Variants in HIVEP3 observed in about 807,000 individuals in gnomAD.
The protein encoded by HIVEP3 is HIVEP zinc finger 3.
Under a neutral mutation model 152.8 loss-of-function variants are expected in HIVEP3, and 49 were observed. That is an observed-to-expected ratio of 0.32 (90% CI 0.26 to 0.41). The LOEUF is 0.41. Among genes scored for constraint, HIVEP3 ranks in the 10% least tolerant of loss-of-function variants. The pLI, the probability that HIVEP3 is intolerant of heterozygous loss-of-function variation, is 1.00. For synonymous variants in HIVEP3, 1,269 were observed against 1,289.0 expected (o/e 0.98, Z 0.33); for missense variants, 2,790 against 3,103.3 (o/e 0.90, Z 2.40).
At chr1:41,732,422 G>C (rs929192153) in intron 1 of HIVEP3, among the ~76,000 whole-genome samples, 1 of 152,172 alleles carries the variant, frequency 6.6e-6, no homozygotes, top group Non-Finnish European at 1.5e-5. Context: ...GTCTTAACAA[G>C]GCCCAAGGAG....
intron 1 of HIVEP3, among the ~76,000 whole-genome samples, chr1:41,780,677 C>A (rs1266589164): frequency 6.6e-6 from 1 of 152,146 alleles, no homozygotes; most frequent in African/African-American, 2.4e-5. Flanking sequence ...ACTGGAGGTG[C>A]CAGCTGACCC....
In HIVEP3 at chr1:41,583,143, G is replaced by C. The variant is rs774178064; in HGVS notation, c.1655C>G (p.Thr552Ser). 5 of 1,613,162 alleles carry C rather than the reference G, an allele frequency of 3.1e-6. No individual in the cohort carries two copies. The highest frequency in any genetic ancestry group is 2.5e-6 in the Non-Finnish European group (3 of 1,179,944). The change falls in exon 4 of 9, where the codon ACC (threonine) becomes AGC (serine). Residue 552 changes from threonine to serine, a missense_variant. Transcript: ENST00000372583. The surrounding 1 kb of genome is among the most constrained non-coding windows in gnomAD (Gnocchi z 6.9). ...GCTACCTCGGAAGGGGTGGTGGGGG[G>C]TGCTGATAGTGCAGGCGGCAGAAGG... ...SMPSAACTIS[T>S]PHHPFRGSYS...
intron 1 of HIVEP3, among the ~76,000 whole-genome samples, chr1:41,885,396 T>C (rs1644329063): frequency 6.6e-6 from 1 of 150,414 alleles, no homozygotes; most frequent in Non-Finnish European, 1.5e-5. Context: ...CCAGTCACAG[T>C]GGTTCATGCC....
At chr1:41,726,700 T>C (rs1275615128) in intron 1 of HIVEP3, among the ~76,000 whole-genome samples, 1 of 151,928 alleles carries the variant, frequency 6.6e-6, no homozygotes, top group Non-Finnish European at 1.5e-5. Flanking sequence ...TCTAGAACAA[T>C]AGGAGAGAGG....
chr1:41,557,900 G>A (rs576389548), intron 5 of HIVEP3, among the ~76,000 whole-genome samples: 11 of 152,284 alleles, frequency 7.2e-5, no homozygotes, highest in Admixed American at 4.6e-4. Flanking sequence ...CCCACCCAGC[G>A]AGGGCTCCTC....
intron 2 of HIVEP3, among the ~76,000 whole-genome samples, chr1:41,696,018 G>A (rs1362316093): frequency 1.3e-5 from 2 of 152,108 alleles, no homozygotes; most frequent in Non-Finnish European, 1.5e-5. Context: ...TCTCAACCTC[G>A]GTTTCCTCAT....
intron 5 of HIVEP3, among the ~76,000 whole-genome samples, chr1:41,548,297 A>G (rs185162553): frequency 1.3e-5 from 2 of 152,260 alleles, no homozygotes; most frequent in East Asian, 3.9e-4. Context: ...CACCCTGCAG[A>G]TGAGAAAGGG....
Position 41,656,917 on chromosome 1 carries a change from G to C in HIVEP3, c.-720-27970C>G, listed in dbSNP as rs866784429. 3.3e-5 allele frequency among the ~76,000 whole-genome samples: 5 copies of C among 152,298 alleles called. No individual in the cohort carries two copies. The South Asian group carries it at 8.3e-4, about 25-fold the overall frequency. ...CTAGACAGCACTCCAGAGCCTGTTG[G>C]GCTGGGTCCCTAAAAACAACAAAAT... On this transcript the variant is annotated intron_variant, in intron 2 of 8. Transcript: ENST00000372583.
chr1:41,709,629 G>A (rs914502275), intron 1 of HIVEP3, among the ~76,000 whole-genome samples: 24 of 152,212 alleles, frequency 1.6e-4, no homozygotes, highest in Non-Finnish European at 2.1e-4. Context: ...AATGGTGATC[G>A]CCAGTCAGGG....
At chr1:41,615,884 A>G (rs1301877304) in intron 3 of HIVEP3, among the ~76,000 whole-genome samples, 1 of 131,554 alleles carries the variant, frequency 7.6e-6, no homozygotes, top group Non-Finnish European at 1.5e-5. Context: ...ATTATCATGC[A>G]TAATATTGCT....
chr1:41,879,178 C>A (rs1644222054), intron 1 of HIVEP3, among the ~76,000 whole-genome samples: 1 of 152,178 alleles, frequency 6.6e-6, no homozygotes, highest in South Asian at 2.1e-4. Flanking sequence ...ATTAATCTGG[C>A]ATTGCAGGGG....
intron 1 of HIVEP3, among the ~76,000 whole-genome samples, chr1:41,793,384 G>C (rs1160245120): frequency 6.6e-6 from 1 of 152,142 alleles, no homozygotes; most frequent in Non-Finnish European, 1.5e-5. Context: ...TCTTCTGCCT[G>C]CTTCTTGGAG....
At chr1:41,673,527 G>T (rs555970177) in intron 2 of HIVEP3, among the ~76,000 whole-genome samples, 1 of 152,290 alleles carries the variant, frequency 6.6e-6, no homozygotes, top group South Asian at 2.1e-4. Context: ...ACCAGACCAC[G>T]ACCTGGATTT....
chr1:41,812,751 C>T (rs531595387), intron 1 of HIVEP3, among the ~76,000 whole-genome samples: 2 of 151,888 alleles, frequency 1.3e-5, no homozygotes, highest in Non-Finnish European at 2.9e-5. Flanking sequence ...ACCACTCCAA[C>T]AGTTCCCTGT....
rs747932132 is a variant in HIVEP3, at chr1:41,583,471, G to A, written c.1327C>T (p.Leu443=). The change falls in exon 4 of 9, where the codon CTG becomes TTG. Residue 443 remains leucine, a synonymous_variant. Coordinates refer to ENST00000372583, the MANE Select transcript of HIVEP3 (RefSeq NM_024503.5). This position sits in a 1 kb window ranked among gnomAD's most constrained non-coding sequence, Gnocchi z 6.9. ...AGGCTGGGCTTGTCTTCGGTGGACA[G>A]GGGCAGGAGGGGCTGGGTGGAGGTG... The part of the protein sequence containing the change: ...TATSTQPLLP[L]STEDKPSLVP... 20 of 1,613,512 alleles carry A rather than the reference G, an allele frequency of 1.2e-5. No individual in the cohort carries two copies. Among genetic ancestry groups the A allele is most frequent in the Non-Finnish European group, 1.7e-5 (20 of 1,179,540 alleles).
Position 41,852,503 on chromosome 1 carries a change from C to T in HIVEP3, c.-801+65910G>A, listed in dbSNP as rs543469464. Among the ~76,000 whole-genome samples, 42 of 152,328 alleles carry T rather than the reference C, an allele frequency of 2.8e-4. No individual in the cohort carries two copies. In the South Asian group the frequency reaches 8.5e-3, roughly 31 times the overall value. Reference sequence around the variant, plus strand: ...CTTCCCTCTTATGACCAGGCCCTGGCTTCTTCATGTCCTTAGGGTGGGTTC... The same window carrying T: ...CTTCCCTCTTATGACCAGGCCCTGGTTTCTTCATGTCCTTAGGGTGGGTTC... On this transcript the variant is annotated intron_variant, in intron 1 of 8. Transcript: ENST00000372583.
intron 1 of HIVEP3, among the ~76,000 whole-genome samples, chr1:41,901,226 C>T (rs1433568006): frequency 1.3e-5 from 2 of 151,992 alleles, no homozygotes; most frequent in African/African-American, 4.8e-5. Context: ...AGGAGAGACT[C>T]ACAGGCTGAG....
intron 1 of HIVEP3, among the ~76,000 whole-genome samples, chr1:42,030,619 C>T (rs1645607662): frequency 6.6e-6 from 1 of 152,174 alleles, no homozygotes; most frequent in Admixed American, 6.5e-5. Flanking sequence ...TCTTATTTCT[C>T]AGGCCCTCGT....
At chr1:41,514,231 C>T (rs1388121015) in intron 7 of HIVEP3, among the ~76,000 whole-genome samples, 1 of 152,190 alleles carries the variant, frequency 6.6e-6, no homozygotes, top group Non-Finnish European at 1.5e-5. Flanking sequence ...CCTTGCTCTG[C>T]TTGGTCTCCC....
Sources: gnomAD v4.1 joint callset for allele counts (sites outside exome capture counted in the v4.1 genomes callset) on GRCh38, gnomAD v4.1.1 for gene constraint, Gnocchi (gnomAD v3.1) non-coding constraint, MANE v1.5 for transcripts, NCBI Gene and HGNC (gene_info 2026-07-23, HGNC 2026-07-21) for gene names.